The following YEATS4 variants were observed in gnomAD, a reference collection of about 807,000 sequenced individuals.
YEATS4 encodes the protein YEATS domain containing 4.
YEATS4 carries 17 observed loss-of-function variants against 30.1 expected under a neutral mutation model. The ratio of observed to expected loss-of-function variants is 0.56; its 90% CI spans 0.39 to 0.85. The LOEUF (loss-of-function observed/expected upper bound fraction) is 0.85. Ranked by LOEUF, YEATS4 falls within the 40% of genes least tolerant of loss-of-function variation. The pLI, the probability that YEATS4 is intolerant of heterozygous loss-of-function variation, is 0.00. For missense variants in YEATS4, 142 were observed against 268.3 expected, an observed-to-expected ratio of 0.53 and a Z score of 3.29; for synonymous variants, 85 against 87.5, an observed-to-expected ratio of 0.97 and a Z score of 0.16.
Position 69,365,643 on chromosome 12 carries a change from C to T in YEATS4, c.182C>T (p.Ala61Val). ...TTCCTTATATTTTAGGATATGTCAG[C>T]ATATGTGAAGAAAATCCAGTTTAAA... ...VKPYRNEDMS[A>V]YVKKIQFKLH... The change falls in exon 3 of 7, where the codon GCA becomes GTA. Residue 61 changes from alanine to valine, a missense_variant. Ala to Val is a moderately conservative substitution (Grantham distance 64, BLOSUM62 0). Coordinates refer to ENST00000247843, the MANE Select transcript of YEATS4 (RefSeq NM_006530.4). The T allele has an allele frequency of 6.2e-7, 1 of 1,608,702 alleles. No individual in the cohort carries two copies.
chr12:69,378,128 A>T (rs1445005894), intron 6 of YEATS4, among the ~76,000 whole-genome samples: 1 of 152,076 alleles, frequency 6.6e-6, no homozygotes, highest in African/African-American at 2.4e-5. Context: ...TTTGTTGTGC[A>T]ATCTGTTTGT....
chr12:69,384,144 A>T (rs748238879), intron 6 of YEATS4, among the ~76,000 whole-genome samples: 3 of 152,250 alleles, frequency 2.0e-5, no homozygotes, highest in Non-Finnish European at 4.4e-5. Context: ...TGTTATGAAC[A>T]TAAAACAGTT....
At chr12:69,376,748 A>AT (rs1875890051) in intron 6 of YEATS4, among the ~76,000 whole-genome samples, 1 of 152,066 alleles carries the variant, frequency 6.6e-6, no homozygotes, top group East Asian at 1.9e-4. Flanking sequence ...TATTTTCTCA[A>AT]TTTTTTGGAA....
intron 6 of YEATS4, 129 bp from the exon 7 acceptor site, chr12:69,390,017 GT>G: frequency 2.8e-6 from 2 of 707,488 alleles, no homozygotes; most frequent in Non-Finnish European, 2.2e-6. Context: ...CATGTTTAAT[GT>G]TGTAATTCTT....
the YEATS4 span, among the ~76,000 whole-genome samples, chr12:69,397,993 A>C: frequency 6.6e-6 from 1 of 152,216 alleles, no homozygotes; most frequent in African/African-American, 2.4e-5. Flanking sequence ...ATCTCAATAA[A>C]TGCAGACAAA....
At chr12:69,375,247 C>G (rs1314911582) in intron 6 of YEATS4, among the ~76,000 whole-genome samples, 1 of 149,818 alleles carries the variant, frequency 6.7e-6, no homozygotes, top group African/African-American at 2.5e-5. Context: ...GGCAGAGACA[C>G]TCCTCAGTTT....
chr12:69,406,628 T>C, the YEATS4 span, among the ~76,000 whole-genome samples: 1 of 152,208 alleles, frequency 6.6e-6, no homozygotes, highest in African/African-American at 2.4e-5. Context: ...CTGCATTTCT[T>C]TTTCTGTGAA....
chr12:69,375,065 A>C (rs1875801486), intron 6 of YEATS4, among the ~76,000 whole-genome samples: 1 of 146,716 alleles, frequency 6.8e-6, no homozygotes, highest in Non-Finnish European at 1.5e-5. Flanking sequence ...CACCTCCCGG[A>C]GGGGGCGGCT....
At chr12:69,410,932 T>G in the YEATS4 span, among the ~76,000 whole-genome samples, 2 of 152,194 alleles carry the variant, frequency 1.3e-5, no homozygotes, top group African/African-American at 4.8e-5. Flanking sequence ...AATGAAATCT[T>G]TCTAGGACAT....
At chr12:69,388,687 A>G (rs1443067190) in intron 6 of YEATS4, among the ~76,000 whole-genome samples, 2 of 152,258 alleles carry the variant, frequency 1.3e-5, no homozygotes, top group Non-Finnish European at 1.5e-5. Flanking sequence ...GTACTTTGTT[A>G]TAGATAGATA....
the YEATS4 span, among the ~76,000 whole-genome samples, chr12:69,426,268 A>G: frequency 1.3e-5 from 2 of 152,154 alleles, no homozygotes; most frequent in African/African-American, 2.4e-5. Context: ...AACTATTTGT[A>G]TATGCCCTTG....
At chr12:69,375,910 G>A (rs1334325121) in intron 6 of YEATS4, among the ~76,000 whole-genome samples, 1 of 151,996 alleles carries the variant, frequency 6.6e-6, no homozygotes, top group Non-Finnish European at 1.5e-5. Flanking sequence ...GAGGGGGAGG[G>A]GGAGACTTCT....
At chr12:69,412,541 T>A in the YEATS4 span, among the ~76,000 whole-genome samples, 1 of 152,030 alleles carries the variant, frequency 6.6e-6, no homozygotes, top group Non-Finnish European at 1.5e-5. Flanking sequence ...TAGTCCCAGA[T>A]ACTCAGGAGG....
In YEATS4 at chr12:69,390,407, T is replaced by G; in HGVS notation, c.*91T>G. On this transcript the variant is annotated 3_prime_UTR_variant, in exon 7 of 7. Transcript: ENST00000247843. Reference sequence around the variant, plus strand: ...GACTTACTGCAAATGCTGTGATGTTTCTTAGAGGAACTTCATATACAGCTG... The same window carrying G: ...GACTTACTGCAAATGCTGTGATGTTGCTTAGAGGAACTTCATATACAGCTG... 8.2e-7 allele frequency: 1 copy of G among 1,225,412 alleles called. No individual in the cohort carries two copies. The allele number at this position is 1,225,412 out of a possible 1,614,324, so 75.9% of individuals were successfully genotyped here.
the YEATS4 span, among the ~76,000 whole-genome samples, chr12:69,410,680 C>T: frequency 0.026 from 3,926 of 152,202 alleles, 146 homozygotes; most frequent in African/African-American, 0.088. Context: ...AGGATAGAGA[C>T]GGCCCAAGAA....
the YEATS4 span, among the ~76,000 whole-genome samples, chr12:69,420,535 G>C: frequency 3.4e-4 from 52 of 152,150 alleles, no homozygotes; most frequent in African/African-American, 1.1e-3. Context: ...GTGAGGGAGA[G>C]ACAGGGACAG....
At chr12:69,393,707 G>T (rs963115118), downstream of YEATS4, among the ~76,000 whole-genome samples, 2 of 152,158 alleles carry the variant, frequency 1.3e-5, no homozygotes, top group Non-Finnish European at 2.9e-5. Flanking sequence ...CTGGGGAAAG[G>T]GGATGGTAGG....
intron 6 of YEATS4, among the ~76,000 whole-genome samples, chr12:69,387,413 A>C (rs944262528): frequency 6.6e-6 from 1 of 152,216 alleles, no homozygotes; most frequent in Non-Finnish European, 1.5e-5. Flanking sequence ...TTACAAGTAC[A>C]TATATATTCT....
chr12:69,413,958 A>G, the YEATS4 span, among the ~76,000 whole-genome samples: 2 of 152,152 alleles, frequency 1.3e-5, no homozygotes, highest in East Asian at 1.9e-4. Context: ...GGGCTGCCCT[A>G]ACCCTTCTAA....
Sources: gnomAD v4.1 joint callset for allele counts (sites outside exome capture counted in the v4.1 genomes callset) on GRCh38, gnomAD v4.1.1 for gene constraint, MANE v1.5 for transcripts, NCBI Gene and HGNC (gene_info 2026-07-23, HGNC 2026-07-21) for gene names.